The following LIG1 variants were observed in gnomAD, a reference collection of about 807,000 sequenced individuals.
LIG1 encodes the protein DNA ligase 1, also known as ligase I, DNA, ATP-dependent.
A neutral mutation model predicts 115.7 loss-of-function variants in LIG1; 70 were observed. That is an observed-to-expected ratio of 0.60 (90% CI 0.50 to 0.74). LIG1 has a LOEUF of 0.74. Among genes scored for constraint, LIG1 ranks in the 30% least tolerant of loss-of-function variants. LIG1 has a pLI of 0.00. For missense variants in LIG1, 1,115 were observed against 1,225.6 expected (o/e 0.91, Z 1.35); for synonymous variants, 487 against 495.3 (o/e 0.98, Z 0.22).
At chr19:48,149,684 G>C (rs1327400688) in intron 9 of LIG1, 79 bp downstream of exon 9, 48 of 1,132,676 alleles carry the variant, frequency 4.2e-5, no homozygotes, top group South Asian at 1.3e-5. Context: ...GAGGAAGCCT[G>C]AGCTGGGGGT....
chr19:48,147,918 A>G (rs1484284161), intron 9 of LIG1, among the ~76,000 whole-genome samples: 3 of 152,106 alleles, frequency 2.0e-5, no homozygotes, highest in African/African-American at 7.2e-5. Flanking sequence ...GAGCTAGGCA[A>G]GAAGACTAAG....
In LIG1 at chr19:48,137,577, G is replaced by A. The variant is rs768667089; in HGVS notation, c.1199C>T (p.Thr400Ile). The A allele has an allele frequency of 8.7e-6, 14 of 1,613,376 alleles. No homozygotes were observed. The highest frequency in any genetic ancestry group is 1.2e-5 in the Non-Finnish European group (14 of 1,180,018). ...GAACTTGCTGAAGACCCCGGAGGCAGTGAGCGGAGGTGGTGGCAGCATGAG... is the reference window on the plus strand; with the variant it reads ...GAACTTGCTGAAGACCCCGGAGGCAATGAGCGGAGGTGGTGGCAGCATGAG... ...QRLMLPPPPLTASGVFSKFRD... is the reference protein window; with the variant it reads ...QRLMLPPPPLIASGVFSKFRD... Residue 400 changes from threonine to isoleucine, a missense_variant, in exon 13 of 28, where the codon ACT becomes ATT. Thr to Ile is a moderately conservative substitution (Grantham distance 89). Coordinates refer to ENST00000263274, the MANE Select transcript of LIG1 (RefSeq NM_000234.3). The surrounding 1 kb of genome is among the most constrained non-coding windows in gnomAD (Gnocchi z 4.3).
chr19:48,165,455 T>TTTGG, intron 2 of LIG1, 95 bp downstream of exon 2: 1 of 1,050,476 alleles, frequency 9.5e-7, no homozygotes, highest in Non-Finnish European at 1.5e-6. Flanking sequence ...ACGTAAGAGT[T>TTTGG]TTTGTTTGTT....
rs185089911 is a variant in LIG1 at position 48,161,461 on chromosome 19, G to A, written c.154C>T (p.Pro52Ser). ...GCCTTCCTCCCTGGCCTCTTCACCGGAGAGTCACTCTCGGACACCACTCCA... is the reference window on the plus strand; with the variant it reads ...GCCTTCCTCCCTGGCCTCTTCACCGAAGAGTCACTCTCGGACACCACTCCA... Reference protein sequence around the residue: ...WNGVVSESDSPVKRPGRKAAR... With the variant: ...WNGVVSESDSSVKRPGRKAAR... Residue 52 changes from proline to serine, a missense_variant, in exon 4 of 28, where the codon CCG (proline) becomes TCG (serine). Pro to Ser is a moderately conservative substitution (Grantham distance 74). Transcript: ENST00000263274. The A allele has an allele frequency of 6.2e-7, 1 of 1,614,158 alleles. No homozygotes were observed.
chr19:48,166,443 A>G (rs2036486702), intron 1 of LIG1, among the ~76,000 whole-genome samples: 1 of 152,192 alleles, frequency 6.6e-6, no homozygotes, highest in Non-Finnish European at 1.5e-5. Context: ...CATATCTTGT[A>G]TATGTACAGA....
intron 4 of LIG1, chr19:48,161,115 AT>A: frequency 1.8e-6 from 1 of 554,838 alleles, no homozygotes; most frequent in Non-Finnish European, 3.3e-6. Context: ...CAGTCACCCT[AT>A]GAGGAAGGTG....
intron 12 of LIG1, among the ~76,000 whole-genome samples, chr19:48,138,836 C>A (rs887271159): frequency 3.3e-5 from 5 of 152,180 alleles, no homozygotes; most frequent in African/African-American, 1.2e-4. Context: ...TCTTAACCGA[C>A]CCCGTGTGTG....
intron 10 of LIG1, 124 bp downstream of exon 10, chr19:48,143,759 C>T: frequency 1.8e-6 from 2 of 1,085,176 alleles, no homozygotes; most frequent in Non-Finnish European, 2.8e-6. Flanking sequence ...TTCAATGCTG[C>T]TGATTGTCGC....
At position 48,137,511 on chromosome 19, in the gene LIG1, G is replaced by A. The variant is rs201981447; in HGVS notation, c.1254+11C>T. 32 of 1,611,074 alleles carry A rather than the reference G, an allele frequency of 2.0e-5. No homozygotes were observed. Among genetic ancestry groups the A allele is most frequent in the Admixed American group, 1.7e-4 (10 of 60,014 alleles). ...GTCTGGGGTCCGGGATGAGCGGCCC[G>A]CCCCACTCACAGCACTGCCAGTGAG... On this transcript the variant is annotated intron_variant, in intron 13 of 27. Coordinates refer to ENST00000263274, the MANE Select transcript of LIG1 (RefSeq NM_000234.3). The surrounding 1 kb of genome is among the most constrained non-coding windows in gnomAD (Gnocchi z 4.3).
chr19:48,123,857 A>T (rs79437948), intron 21 of LIG1, among the ~76,000 whole-genome samples: 4 of 151,954 alleles, frequency 2.6e-5, no homozygotes, highest in African/African-American at 9.6e-5. Context: ...AGATAATTAA[A>T]AAAAAAAAAA....
chr19:48,157,560 A>AT (rs2035929476), intron 4 of LIG1, among the ~76,000 whole-genome samples: 1 of 151,956 alleles, frequency 6.6e-6, no homozygotes. Flanking sequence ...TTATTTATTT[A>AT]TTGAGACAGG....
chr19:48,165,938 A>C (rs1017067989), intron 1 of LIG1, among the ~76,000 whole-genome samples: 4 of 152,162 alleles, frequency 2.6e-5, no homozygotes, highest in African/African-American at 9.7e-5. Context: ...TTAGTGAAAA[A>C]TTGTTTTAAG....
rs2036396582 is a variant in LIG1, at chr19:48,164,927, T to C, written c.17+623A>G. On this transcript the variant is annotated intron_variant, in intron 2 of 27. Transcript: ENST00000263274. ...CTGGCTTTTAGCCACTAGATGCCAA[T>C]GGCAAACCCTCTGTCCCTAGGTTGT... 6.6e-5 allele frequency among the ~76,000 whole-genome samples: 10 copies of C among 152,296 alleles called. No homozygotes were observed. In the South Asian group the frequency reaches 2.1e-3, roughly 32 times the overall value.
At position 48,170,310 on chromosome 19, in the gene LIG1, C is replaced by G. The variant is rs1263962538; in HGVS notation, c.-127G>C. 2.2e-6 allele frequency: 1 copy of G among 449,788 alleles called. No individual in the cohort carries two copies. Among genetic ancestry groups the G allele is most frequent in the Admixed American group, 2.4e-5 (1 of 42,284 alleles). The allele number at this position is 449,788 out of a possible 1,614,324, so 27.9% of individuals were successfully genotyped here. A position where few individuals can be genotyped will look rare whatever the true frequency, so the allele number is the denominator to read the frequency against. ...TCCGCCAGGCGCGCCTCTGCAGTCC[C>G]AAGTTCGCGCCACGGCATTCGCGCG... is the stretch of plus-strand genomic sequence containing the variant. On this transcript the variant is annotated 5_prime_UTR_variant, in exon 1 of 28. Transcript: ENST00000263274.
chr19:48,160,254 G>A (rs572834611), intron 4 of LIG1, among the ~76,000 whole-genome samples: 7 of 152,350 alleles, frequency 4.6e-5, no homozygotes, highest in African/African-American at 1.7e-4. Flanking sequence ...CATAGGTGGT[G>A]AGGAAAGTTT....
At chr19:48,127,839 C>G in intron 20 of LIG1, 71 bp downstream of exon 20, 5 of 1,294,884 alleles carry the variant, frequency 3.9e-6, no homozygotes, top group Non-Finnish European at 5.6e-6. Flanking sequence ...CTGGGCAGGA[C>G]CCACAGCCAG....
At chr19:48,143,498 C>T (rs1386921462) in intron 11 of LIG1, 45 bp downstream of exon 11, 1 of 815,356 alleles carries the variant, frequency 1.2e-6, no homozygotes, top group African/African-American at 1.7e-5. Context: ...GAGGACAGAC[C>T]CAGAAGCGAC....
intron 7 of LIG1, 67 bp downstream of exon 7, chr19:48,151,165 C>T (rs1212433228): frequency 2.9e-5 from 26 of 887,342 alleles, no homozygotes; most frequent in Middle Eastern, 4.4e-4. Flanking sequence ...AATTAATCAT[C>T]CTCCAAAGAC....
intron 1 of LIG1, among the ~76,000 whole-genome samples, chr19:48,168,004 C>G (rs914546742): frequency 6.6e-6 from 1 of 152,066 alleles, no homozygotes; most frequent in Non-Finnish European, 1.5e-5. Context: ...AAAACTATTA[C>G]GATCCCTCCT....
Sources: gnomAD v4.1 joint callset for allele counts (sites outside exome capture counted in the v4.1 genomes callset) on GRCh38, gnomAD v4.1.1 for gene constraint, Gnocchi (gnomAD v3.1) non-coding constraint, MANE v1.5 for transcripts, NCBI Gene and HGNC (gene_info 2026-07-23, HGNC 2026-07-21) for gene names.